TMEM164: variants seen among roughly 807,000 people sequenced by gnomAD.
The protein encoded by TMEM164 is RP13-360B22.2.
TMEM164 carries 4 observed loss-of-function variants against 18.8 expected under a neutral mutation model. That is an observed-to-expected ratio of 0.21 (90% CI 0.10 to 0.49). The LOEUF (loss-of-function observed/expected upper bound fraction) is 0.49, where lower values mean the gene tolerates loss of function less well. Among genes scored for constraint, TMEM164 ranks in the 20% least tolerant of loss-of-function variants. The pLI, the probability that TMEM164 is intolerant of heterozygous loss-of-function variation, is 0.98. For missense variants in TMEM164, 108 were observed against 239.9 expected (o/e 0.45, Z 3.63); for synonymous variants, 86 against 101.7 (o/e 0.85, Z 0.93).
chrX:110,030,108 GTTTTTTTTTTT>G (rs34803907), intron 2 of TMEM164, among the ~76,000 whole-genome samples: 9 of 26,994 alleles, frequency 3.3e-4, no homozygotes, highest in Admixed American at 7.2e-4. Context: ...TTCTCTGTCT[GTTTTTTTTTTT>G]TTTTTTTTTT....
intron 3 of TMEM164, among the ~76,000 whole-genome samples, chrX:110,085,302 A>G (rs2065835181): frequency 1.1e-5 from 1 of 93,302 alleles, no homozygotes; most frequent in South Asian, 5.0e-4. Context: ...CTGGGACTAC[A>G]GGAAAACACC....
At chrX:110,037,208 C>CA (rs947184397) in intron 2 of TMEM164, among the ~76,000 whole-genome samples, 1 of 110,791 alleles carries the variant, frequency 9.0e-6, no homozygotes, top group Non-Finnish European at 1.9e-5. Context: ...GAGATGATGC[C>CA]AGATTGGTAG....
intron 3 of TMEM164, among the ~76,000 whole-genome samples, chrX:110,080,571 C>T (rs2065738246): frequency 8.9e-6 from 1 of 111,935 alleles, no homozygotes; most frequent in Admixed American, 9.5e-5. Context: ...TCCCTGGCAA[C>T]CATGAATCTA....
At chrX:110,033,519 C>G (rs981764693) in intron 2 of TMEM164, among the ~76,000 whole-genome samples, 1 of 111,837 alleles carries the variant, frequency 8.9e-6, no homozygotes, top group Admixed American at 9.5e-5. Context: ...ATTTGTAGTT[C>G]CCCTGGGGAA....
intron 2 of TMEM164, among the ~76,000 whole-genome samples, chrX:110,011,189 CAAAA>C (rs1325003821): frequency 4.8e-5 from 5 of 104,469 alleles, no homozygotes; most frequent in African/African-American, 1.7e-4. Flanking sequence ...AAACCAAAAA[CAAAA>C]AAAAAAGAAG....
intron 2 of TMEM164, among the ~76,000 whole-genome samples, chrX:110,029,268 A>G (rs1052521415): frequency 2.7e-5 from 3 of 111,956 alleles, no homozygotes; most frequent in African/African-American, 9.8e-5. Context: ...TCCTTCTGGG[A>G]TGCATGAGGG....
At chrX:110,008,997 G>A (rs1276116510) in intron 2 of TMEM164, among the ~76,000 whole-genome samples, 1 of 111,447 alleles carries the variant, frequency 9.0e-6, no homozygotes, top group African/African-American at 3.3e-5. Flanking sequence ...ATCCTTGCCT[G>A]TGTCTGGATA....
intron 5 of TMEM164, among the ~76,000 whole-genome samples, chrX:110,162,436 T>C (rs987653945): frequency 3.6e-5 from 4 of 112,329 alleles, no homozygotes; most frequent in Non-Finnish European, 7.5e-5. Flanking sequence ...AACTAGGCTC[T>C]TCCAGGGTGA....
chrX:110,107,017 G>T (rs1183212609), intron 3 of TMEM164, among the ~76,000 whole-genome samples: 1 of 112,097 alleles, frequency 8.9e-6, no homozygotes, highest in African/African-American at 3.2e-5. Flanking sequence ...ACCTGAAGGA[G>T]TGTGATGGCC....
At chrX:110,150,177 G>A (rs1471944744) in intron 5 of TMEM164, among the ~76,000 whole-genome samples, 1 of 112,425 alleles carries the variant, frequency 8.9e-6, no homozygotes, top group Non-Finnish European at 1.9e-5. Context: ...TTGGAGGAGA[G>A]TTCCCTGAGG....
intron 3 of TMEM164, among the ~76,000 whole-genome samples, chrX:110,093,060 C>G (rs2065956505): frequency 9.0e-6 from 1 of 111,702 alleles, no homozygotes. Flanking sequence ...GGGATGAAGC[C>G]AACTTGATCG....
intron 2 of TMEM164, among the ~76,000 whole-genome samples, chrX:110,009,864 G>A (rs915208072): frequency 5.5e-5 from 6 of 109,915 alleles, no homozygotes; most frequent in Non-Finnish European, 7.6e-5. Context: ...GTGGTGGCAC[G>A]CGCCTGTAGT....
intron 2 of TMEM164, among the ~76,000 whole-genome samples, chrX:110,030,359 A>G (rs1431611731): frequency 9.3e-6 from 1 of 107,413 alleles, no homozygotes; most frequent in East Asian, 2.9e-4. Flanking sequence ...GGCTTAAGCA[A>G]TCCTTCCATC....
At chrX:110,026,214 T>C (rs1348727259) in intron 2 of TMEM164, among the ~76,000 whole-genome samples, 1 of 112,289 alleles carries the variant, frequency 8.9e-6, no homozygotes, top group Non-Finnish European at 1.9e-5. Context: ...GCCTTTTCTT[T>C]TGACGATGGA....
intron 2 of TMEM164, among the ~76,000 whole-genome samples, chrX:110,020,140 T>C (rs936661391): frequency 8.9e-6 from 1 of 112,308 alleles, no homozygotes; most frequent in Non-Finnish European, 1.9e-5. Context: ...TGTAATTGTT[T>C]GTGTATCTTC....
intron 5 of TMEM164, among the ~76,000 whole-genome samples, chrX:110,163,022 T>G (rs1455762322): frequency 1.8e-5 from 2 of 112,619 alleles, no homozygotes; most frequent in African/African-American, 6.5e-5. Context: ...TGACTTCGTT[T>G]ATTGCAACAG....
intron 2 of TMEM164, among the ~76,000 whole-genome samples, chrX:110,057,383 T>C (rs2147824880): frequency 9.0e-6 from 1 of 111,405 alleles, no homozygotes; most frequent in East Asian, 2.8e-4. Flanking sequence ...ATACCACATT[T>C]TCTTTATTCA....
In TMEM164 at chrX:110,006,754, GCCT is replaced by G. The variant is rs748410697; in HGVS notation, c.390+2591_390+2593del. Among the ~76,000 whole-genome samples the G allele has an allele frequency of 1.2e-4, 14 of 112,267 alleles. No individual in the cohort carries two copies. In the East Asian group the frequency reaches 3.1e-3, roughly 25 times the overall value. On this transcript the variant is annotated intron_variant, in intron 2 of 6. Coordinates refer to ENST00000372068, the MANE Select transcript of TMEM164 (RefSeq NM_032227.4). ...ATATACATTGTTACTTTTAGCTTAG[GCCT>G]GGAGAAAGGGATGTTAAAATGTTTC...
intron 3 of TMEM164, among the ~76,000 whole-genome samples, chrX:110,101,769 G>C (rs189033164): frequency 0.01 from 1,133 of 107,950 alleles, 12 homozygotes; most frequent in African/African-American, 0.035. Flanking sequence ...TTTTTGTAGA[G>C]ACAAGGTTTC....
Sources: gnomAD v4.1 joint callset for allele counts (sites outside exome capture counted in the v4.1 genomes callset) on GRCh38, gnomAD v4.1.1 for gene constraint, MANE v1.5 for transcripts, NCBI Gene and HGNC (gene_info 2026-07-23, HGNC 2026-07-21) for gene names.